Variants in SLC9B2 observed in about 807,000 individuals in gnomAD.
SLC9B2 encodes sodium/hydrogen exchanger 9B2.
In SLC9B2, 39 loss-of-function variants were observed where a neutral mutation model predicts 52.2. The observed-to-expected ratio is 0.75, with a 90% CI of 0.58 to 0.98. The LOEUF (loss-of-function observed/expected upper bound fraction) is 0.98, where lower values mean the gene tolerates loss of function less well. SLC9B2 is among the 50% of genes least tolerant of loss of function. SLC9B2 has a pLI of 0.00. For missense variants in SLC9B2, 626 were observed against 637.5 expected (o/e 0.98, Z 0.19); for synonymous variants, 214 against 227.0 (o/e 0.94, Z 0.51).
chr4:103,028,733 C>A lies in SLC9B2; in HGVS notation c.1392+14G>T. On this transcript the variant is annotated intron_variant, in intron 11 of 11. Transcript: ENST00000394785. Reference sequence around the variant, plus strand: ...AATAGCAGTTAAAATGCTAAGCCATCCTATCCATCATACCTGAACTGTGGC... The same window carrying A: ...AATAGCAGTTAAAATGCTAAGCCATACTATCCATCATACCTGAACTGTGGC... 1.3e-6 allele frequency: 2 copies of A among 1,596,742 alleles called. No homozygotes were observed. Among genetic ancestry groups the A allele is most frequent in the Non-Finnish European group, 1.7e-6 (2 of 1,174,512 alleles).
chr4:103,041,676 G>A (rs1164921240), intron 9 of SLC9B2, among the ~76,000 whole-genome samples: 2 of 152,080 alleles, frequency 1.3e-5, no homozygotes, highest in Non-Finnish European at 2.9e-5. Context: ...AACTGCAAAA[G>A]TTTAGAATTA....
rs1744560298 is a variant in SLC9B2, at chr4:103,050,313, T to C, written c.512A>G (p.Lys171Arg). 2 of 1,610,284 alleles carry C rather than the reference T, an allele frequency of 1.2e-6. No individual in the cohort carries two copies. The highest frequency in any genetic ancestry group is 1.7e-6 in the Non-Finnish European group (2 of 1,178,342). The change falls in exon 5 of 12, where the codon AAG becomes AGG. Residue 171 changes from lysine (K) to arginine (R), a missense_variant. Coordinates refer to ENST00000394785, the MANE Select transcript of SLC9B2 (RefSeq NM_178833.7). ...TATGCTTCTCAAAGAGGAAGACCAC[T>C]TGTGCTTGATCTGCACATTATCGTT... is the stretch of plus-strand genomic sequence containing the variant. ...VINDNVQIKH[K>R]WSSSLRSIAL...
Position 103,048,215 on chromosome 4 carries a change from A to G in SLC9B2, c.713+678T>C, listed in dbSNP as rs116825909. Among the ~76,000 whole-genome samples, 1,347 of 152,322 alleles carry G rather than the reference A, an allele frequency of 8.8e-3. 23 individuals carry two copies. Among genetic ancestry groups the G allele is most frequent in the African/African-American group, 0.031 (1,287 of 41,568 alleles). Reference sequence around the variant, plus strand: ...CCAGACACCATTTTGAGCACTTTACACGTATTCACTAATTTAATCCTCACA... The same window carrying G: ...CCAGACACCATTTTGAGCACTTTACGCGTATTCACTAATTTAATCCTCACA... On this transcript the variant is annotated intron_variant, in intron 6 of 11. Transcript: ENST00000394785.
At position 103,069,355 on chromosome 4, in the gene SLC9B2, C is replaced by A. The variant is rs141220407; in HGVS notation, c.-42-1763G>T. 4.4e-3 allele frequency among the ~76,000 whole-genome samples: 673 copies of A among 152,232 alleles called. 3 individuals are homozygous for A. The highest frequency in any genetic ancestry group is 7.2e-3 in the Non-Finnish European group (489 of 68,004). The stretch of plus-strand genomic sequence containing the variant: ...CCTTTACCTTCTGAAGTGAATGACC[C>A]CAAATATGGTAACTGACAAGATGGG... On this transcript the variant is annotated intron_variant, in intron 1 of 11. Coordinates refer to ENST00000394785, the MANE Select transcript of SLC9B2 (RefSeq NM_178833.7).
downstream of SLC9B2, among the ~76,000 whole-genome samples, chr4:103,018,861 G>T (rs1303964934): frequency 6.6e-6 from 1 of 152,192 alleles, no homozygotes; most frequent in Non-Finnish European, 1.5e-5. Context: ...AGGTGAGCAG[G>T]GCTAGAGGAT....
chr4:103,039,592 C>T (rs1038473733), intron 9 of SLC9B2, among the ~76,000 whole-genome samples: 2 of 151,474 alleles, frequency 1.3e-5, no homozygotes, highest in Non-Finnish European at 2.9e-5. Context: ...AGTCAATAAA[C>T]ATTACTTTTC....
chr4:103,064,597 T>A (rs1206908496), intron 3 of SLC9B2, among the ~76,000 whole-genome samples: 1 of 152,106 alleles, frequency 6.6e-6, no homozygotes, highest in Non-Finnish European at 1.5e-5. Flanking sequence ...GTGACTATAG[T>A]CAGGAATAAG....
chr4:103,029,522 A>C (rs1057252871), intron 10 of SLC9B2, among the ~76,000 whole-genome samples: 1 of 152,158 alleles, frequency 6.6e-6, no homozygotes, highest in Non-Finnish European at 1.5e-5. Flanking sequence ...CTGGCAGTCT[A>C]CCACTGTTTC....
At chr4:103,041,443 A>G (rs986958226) in intron 9 of SLC9B2, among the ~76,000 whole-genome samples, 1 of 152,230 alleles carries the variant, frequency 6.6e-6, no homozygotes, top group Admixed American at 6.5e-5. Flanking sequence ...TAACCACATT[A>G]TAGTTTCTCT....
At chr4:103,020,183 T>G (rs1741684289), downstream of SLC9B2, 1 of 302,592 alleles carries the variant, frequency 3.3e-6, no homozygotes. Context: ...ACATGGCAAG[T>G]GTCTGGAACA....
At chr4:103,036,856 A>T (rs114147514) in intron 9 of SLC9B2, among the ~76,000 whole-genome samples, 2,121 of 152,310 alleles carry the variant, frequency 0.014, 25 homozygotes, top group Non-Finnish European at 0.022. Flanking sequence ...AAAAGAAGCT[A>T]TATTTTTGGA....
downstream of SLC9B2, chr4:103,020,360 C>G (rs750909942): frequency 2.2e-6 from 1 of 447,490 alleles, no homozygotes; most frequent in Non-Finnish European, 4.5e-6. Flanking sequence ...CTTTCAGTCC[C>G]AAAGTTTCCA....
intron 9 of SLC9B2, among the ~76,000 whole-genome samples, chr4:103,041,854 T>C (rs534927710): frequency 6.6e-6 from 1 of 152,288 alleles, no homozygotes; most frequent in East Asian, 1.9e-4. Flanking sequence ...ACCTTGGACA[T>C]GTTATTTAAG....
intron 3 of SLC9B2, among the ~76,000 whole-genome samples, chr4:103,065,234 T>C (rs1304749094): frequency 2.0e-5 from 3 of 151,554 alleles, no homozygotes; most frequent in Admixed American, 6.6e-5. Flanking sequence ...TTGGGTGATA[T>C]ATATTGGGTT....
At chr4:103,073,431 T>A (rs1746841227) in intron 1 of SLC9B2, among the ~76,000 whole-genome samples, 1 of 152,146 alleles carries the variant, frequency 6.6e-6, no homozygotes, top group Non-Finnish European at 1.5e-5. Flanking sequence ...GATCTAATGG[T>A]CATTTCCCAA....
At chr4:103,075,307 G>A (rs1440479342) in intron 1 of SLC9B2, among the ~76,000 whole-genome samples, 2 of 152,050 alleles carry the variant, frequency 1.3e-5, no homozygotes, top group South Asian at 4.1e-4. Context: ...GCACCACCAT[G>A]CCCAGCTAAT....
Position 103,026,418 on chromosome 4 carries a change from A to T in SLC9B2, c.1566T>A (p.His522Gln). ...LGPRLLQKVEHQNKDEEVQGE... is the reference protein window; with the variant it reads ...LGPRLLQKVEQQNKDEEVQGE... ...CTTGAACTTCTTCATCTTTATTTTG[A>T]TGTTCAACTTTCTGCAGAAGCCTGG... The change falls in exon 12 of 12, where the codon CAT (histidine) becomes CAA (glutamine). Residue 522 changes from histidine to glutamine, a missense_variant. By Grantham distance (24) the His-to-Gln change is conservative. Transcript: ENST00000394785. 6.2e-7 allele frequency: 1 copy of T among 1,613,700 alleles called. No homozygotes were observed. Among genetic ancestry groups the T allele is most frequent in the African/African-American group, 1.3e-5 (1 of 75,012 alleles).
Position 103,037,440 on chromosome 4 carries a change from A to T in SLC9B2, c.1147-5632T>A, listed in dbSNP as rs557784567. Among the ~76,000 whole-genome samples the T allele has an allele frequency of 1.9e-3, 284 of 152,292 alleles. 2 individuals carry two copies. Among genetic ancestry groups the T allele is most frequent in the Non-Finnish European group, 1.8e-3 (121 of 68,016 alleles). Reference sequence around the variant, plus strand: ...TAAAATGAGGACTTACTATTAATATATTCAGCAGTTTGACAAAGAAGGATT... The same window carrying T: ...TAAAATGAGGACTTACTATTAATATTTTCAGCAGTTTGACAAAGAAGGATT... On this transcript the variant is annotated intron_variant, in intron 9 of 11. Coordinates refer to ENST00000394785, the MANE Select transcript of SLC9B2 (RefSeq NM_178833.7).
chr4:103,067,763 A>G (rs750646209), intron 1 of SLC9B2, among the ~76,000 whole-genome samples, 171 bp from the exon 2 acceptor site: 2 of 152,102 alleles, frequency 1.3e-5, no homozygotes, highest in Non-Finnish European at 2.9e-5. Flanking sequence ...ATTCTAGTAT[A>G]TTATCATCAT....
Sources: allele counts gnomAD v4.1 joint callset (sites outside exome capture counted in the v4.1 genomes callset), GRCh38; gene constraint gnomAD v4.1.1; transcripts MANE v1.5; gene names NCBI Gene and HGNC (gene_info 2026-07-23, HGNC 2026-07-21).